DAB1: variants seen among roughly 807,000 people sequenced by gnomAD.
DAB1 encodes the protein disabled homolog 1.
Under a neutral mutation model 64.6 loss-of-function variants are expected in DAB1, and 15 were observed. That is an observed-to-expected ratio of 0.23 (90% confidence interval 0.16 to 0.36). DAB1 has a LOEUF of 0.36. Ranked by LOEUF, DAB1 falls within the 10% of genes least tolerant of loss-of-function variation. The probability of loss-of-function intolerance (pLI) is 1.00; values close to 1 mark genes in which losing one functional copy is unlikely to be tolerated. For synonymous variants in DAB1, 235 were observed against 251.9 expected, an observed-to-expected ratio of 0.93 and a Z score of 0.64; for missense variants, 596 against 706.7, an observed-to-expected ratio of 0.84 and a Z score of 1.78.
At chr1:57,206,623 A>G (rs1665560925) in intron 2 of DAB1, among the ~76,000 whole-genome samples, 1 of 152,118 alleles carries the variant, frequency 6.6e-6, no homozygotes, top group Non-Finnish European at 1.5e-5. Flanking sequence ...TCAAAAACGG[A>G]GTTGAAGCTT....
intron 2 of DAB1, among the ~76,000 whole-genome samples, chr1:57,247,255 G>A (rs941868769): frequency 2.0e-5 from 3 of 152,086 alleles, no homozygotes; most frequent in African/African-American, 7.2e-5. Context: ...CAGATCATGG[G>A]GGCAGATTTC....
At chr1:57,979,957 C>T (rs1413808618) in intron 5 of DAB1, among the ~76,000 whole-genome samples, 8 of 152,120 alleles carry the variant, frequency 5.3e-5, no homozygotes, top group Admixed American at 5.2e-4. Context: ...AGGACTTGTT[C>T]ATATCTTGAG....
chr1:58,147,803 C>T (rs561856603), intron 5 of DAB1, among the ~76,000 whole-genome samples: 1 of 152,100 alleles, frequency 6.6e-6, no homozygotes, highest in South Asian at 2.1e-4. Context: ...ACAGTATAAA[C>T]CTGCAGGAAG....
At chr1:57,736,402 C>T (rs1647693821) in intron 6 of DAB1, among the ~76,000 whole-genome samples, 1 of 152,126 alleles carries the variant, frequency 6.6e-6, no homozygotes, top group Admixed American at 6.5e-5. Context: ...ATATCTGGCT[C>T]ATTGTCAGGA....
At chr1:57,855,596 C>A (rs1346360485) in intron 1 of DAB1, among the ~76,000 whole-genome samples, 1 of 152,056 alleles carries the variant, frequency 6.6e-6, no homozygotes, top group Non-Finnish European at 1.5e-5. Flanking sequence ...TGGGCCATAC[C>A]AATACCTGGG....
chr1:58,236,438 G>A (rs1660047430), intron 4 of DAB1, among the ~76,000 whole-genome samples: 1 of 151,986 alleles, frequency 6.6e-6, no homozygotes, highest in African/African-American at 2.4e-5. Flanking sequence ...CACAGCACCC[G>A]CTTACTTAAG....
In DAB1 at chr1:58,296,195, GAGAAAGAAAGAAAGAAAGAAAGAA is replaced by G. The variant is rs56816699; in HGVS notation, n.309+47133_309+47156del. On this transcript the variant is annotated intron_variant and non_coding_transcript_variant, in intron 4 of 20. Transcript: ENST00000485760. ...GAAAAAAGAAAGAAAGAGAAAGAAA[GAGAAAGAAAGAAAGAAAGAAAGAA>G]AGAAAGAAAGAAAGAAAGAAAGAAA... is the stretch of plus-strand genomic sequence containing the variant. 1.3e-3 allele frequency among the ~76,000 whole-genome samples: 122 copies of G among 93,544 alleles called. 1 individual carries two copies. The highest frequency in any genetic ancestry group is 4.2e-3 in the South Asian group (9 of 2,148). The allele number at this position is 93,544 out of a possible 152,430, so 61.4% of individuals were successfully genotyped here.
At chr1:57,045,071 A>G (rs1253069025) in intron 9 of DAB1, among the ~76,000 whole-genome samples, 1 of 152,242 alleles carries the variant, frequency 6.6e-6, no homozygotes, top group Admixed American at 6.5e-5. Context: ...TGACCGAGCT[A>G]GAATTTTCAC....
intron 9 of DAB1, among the ~76,000 whole-genome samples, chr1:57,060,254 G>T (rs1233420554): frequency 6.6e-6 from 1 of 151,748 alleles, no homozygotes; most frequent in African/African-American, 2.4e-5. Context: ...GGGTTCAAGC[G>T]ATTTTCCTGC....
At chr1:58,149,430 C>A (rs530678026) in intron 5 of DAB1, among the ~76,000 whole-genome samples, 14 of 152,218 alleles carry the variant, frequency 9.2e-5, no homozygotes, top group Non-Finnish European at 1.9e-4. Context: ...GACTTTAGGG[C>A]AGGCATATAG....
chr1:57,707,342 G>GAAA (rs892272201), intron 6 of DAB1, among the ~76,000 whole-genome samples: 4 of 144,496 alleles, frequency 2.8e-5, no homozygotes, highest in Non-Finnish European at 6.0e-5. Flanking sequence ...GTGTGAATAA[G>GAAA]AAAATAAGAA....
intron 4 of DAB1, among the ~76,000 whole-genome samples, chr1:57,135,713 A>G (rs1318172277): frequency 6.6e-6 from 1 of 152,220 alleles, no homozygotes; most frequent in Non-Finnish European, 1.5e-5. Flanking sequence ...AAGAGAAAAT[A>G]ATAATGCAAA....
At chr1:58,130,885 T>A (rs1300335294) in intron 5 of DAB1, among the ~76,000 whole-genome samples, 1 of 151,986 alleles carries the variant, frequency 6.6e-6, no homozygotes, top group African/African-American at 2.4e-5. Context: ...CTGGCTGCCC[T>A]TAACATTTTT....
chr1:57,332,849 T>C (rs926485406), intron 1 of DAB1, among the ~76,000 whole-genome samples: 3 of 152,220 alleles, frequency 2.0e-5, no homozygotes, highest in Non-Finnish European at 2.9e-5. Context: ...TCTGCAATGC[T>C]CTGTTTAATC....
At chr1:57,143,051 G>C (rs1203574076) in intron 3 of DAB1, among the ~76,000 whole-genome samples, 1 of 152,162 alleles carries the variant, frequency 6.6e-6, no homozygotes, top group Non-Finnish European at 1.5e-5. Context: ...TATCTAATTG[G>C]AGAGTTTGAA....
At chr1:58,436,752 G>T (rs1644949447) in intron 3 of DAB1, among the ~76,000 whole-genome samples, 1 of 152,090 alleles carries the variant, frequency 6.6e-6, no homozygotes, top group Non-Finnish European at 1.5e-5. Context: ...CTCTAATATG[G>T]GACTCTAAAA....
intron 3 of DAB1, among the ~76,000 whole-genome samples, chr1:58,498,175 C>A (rs988721417): frequency 5.3e-5 from 8 of 151,720 alleles, no homozygotes; most frequent in African/African-American, 1.9e-4. Context: ...GCTCATTAAG[C>A]TATTCAAATT....
rs146724836 is a variant in DAB1 at position 58,503,988 on chromosome 1, T to C, written n.257+2072A>G. On this transcript the variant is annotated intron_variant and non_coding_transcript_variant, in intron 3 of 20. Transcript: ENST00000485760. The stretch of plus-strand genomic sequence containing the variant: ...TCTGACTGATTCTTTCCCCATTTTC[T>C]GCTACCAGATATCTTGGTCCAAGCC... 9.8e-5 allele frequency among the ~76,000 whole-genome samples: 15 copies of C among 152,360 alleles called. No homozygotes were observed. The East Asian group carries it at 2.5e-3, about 26-fold the overall frequency.
chr1:57,306,189 G>C (rs1459248651), intron 1 of DAB1, among the ~76,000 whole-genome samples: 1 of 152,096 alleles, frequency 6.6e-6, no homozygotes, highest in East Asian at 1.9e-4. Flanking sequence ...GGTAAATCCA[G>C]ATCTAGAACC....
Sources: allele counts gnomAD v4.1 joint callset (sites outside exome capture counted in the v4.1 genomes callset), GRCh38; gene constraint gnomAD v4.1.1; transcripts MANE v1.5; gene names NCBI Gene and HGNC (gene_info 2026-07-23, HGNC 2026-07-21).